RNF8: variants seen among roughly 807,000 people sequenced by gnomAD.
RNF8 encodes the protein ring finger protein 8, also known as E3 ubiquitin-protein ligase RNF8.
RNF8 carries 8 observed loss-of-function variants against 59.3 expected under a neutral mutation model. The observed-to-expected ratio is 0.13, with a 90% CI of 0.08 to 0.24. The LOEUF (loss-of-function observed/expected upper bound fraction) is 0.24, where lower values mean the gene tolerates loss of function less well. Among genes scored for constraint, RNF8 ranks in the 10% least tolerant of loss-of-function variants. The pLI is 1.00. For synonymous variants in RNF8, 162 were observed against 200.0 expected (o/e 0.81, Z 1.60); for missense variants, 406 against 572.6 (o/e 0.71, Z 2.97).
intron 1 of RNF8, among the ~76,000 whole-genome samples, chr6:37,359,726 A>G (rs890664678): frequency 4.6e-5 from 7 of 152,230 alleles, no homozygotes; most frequent in Admixed American, 6.5e-5. Context: ...TAGATCTGCT[A>G]TGAAAGCTAA....
intron 2 of RNF8, chr6:37,361,318 T>C (rs1562084976): frequency 2.2e-6 from 1 of 455,224 alleles, no homozygotes; most frequent in Non-Finnish European, 4.4e-6. Context: ...GGCATCAATA[T>C]GGTGTCCTCC....
intron 2 of RNF8, among the ~76,000 whole-genome samples, chr6:37,362,862 A>G (rs1193560616): frequency 2.0e-5 from 3 of 152,232 alleles, no homozygotes; most frequent in African/African-American, 4.8e-5. Flanking sequence ...TTTTGGTTTA[A>G]AATTGGCTTA....
chr6:37,383,982 T>C (rs1770387001), intron 7 of RNF8, among the ~76,000 whole-genome samples: 1 of 152,100 alleles, frequency 6.6e-6, no homozygotes, highest in Admixed American at 6.6e-5. Context: ...GTGTTAAAAC[T>C]CTTCTGTTTT....
At position 37,394,608 on chromosome 6, in the gene RNF8, C is replaced by T. The variant is rs2113840199; in HGVS notation, c.*3850C>T. 6.6e-6 allele frequency: 1 copy of T among 152,278 alleles called. No homozygotes were observed. The highest frequency in any genetic ancestry group is 2.4e-5 in the African/African-American group (1 of 41,556). The allele number at this position is 152,278 out of a possible 1,614,324, so 9.4% of individuals were successfully genotyped here. A position where few individuals can be genotyped will look rare whatever the true frequency, so the allele number is the denominator to read the frequency against. ...GCTTTACTACATTCCAGATGCCCAC[C>T]TCATCCAATTTCCAGAGCCACTATC... On this transcript the variant is annotated 3_prime_UTR_variant, in exon 8 of 8. Transcript: ENST00000373479.
chr6:37,364,913 G>T (rs554301307), intron 2 of RNF8, among the ~76,000 whole-genome samples: 60 of 152,266 alleles, frequency 3.9e-4, no homozygotes, highest in African/African-American at 1.4e-3. Flanking sequence ...GGGATTACAG[G>T]CATGCGGCAC....
intron 7 of RNF8, among the ~76,000 whole-genome samples, chr6:37,383,895 G>C (rs967521973): frequency 6.6e-6 from 1 of 152,086 alleles, no homozygotes; most frequent in South Asian, 2.1e-4. Flanking sequence ...GAGCTGGTGA[G>C]GTGAGAGAGC....
Position 37,354,144 on chromosome 6 carries a change from GC to G in RNF8, c.-16del. On this transcript the variant is annotated 5_prime_UTR_variant, in exon 1 of 8. Transcript: ENST00000373479. ...GTCAGGGTCTCGCTCGGTGCTGACC[GC>G]CCCCGGGGTCGAGTAGGCGATGGGG... 6.4e-7 allele frequency: 1 copy of G among 1,558,500 alleles called. No homozygotes were observed. Among genetic ancestry groups the G allele is most frequent in the African/African-American group, 1.4e-5 (1 of 73,596 alleles).
At chr6:37,367,857 A>C (rs956158630) in intron 2 of RNF8, among the ~76,000 whole-genome samples, 2 of 152,172 alleles carry the variant, frequency 1.3e-5, no homozygotes, top group African/African-American at 4.8e-5. Context: ...GGTTAAGTAA[A>C]TTGCCAAATG....
chr6:37,385,214 T>C (rs1169719261), intron 7 of RNF8, among the ~76,000 whole-genome samples: 2 of 151,568 alleles, frequency 1.3e-5, no homozygotes, highest in Non-Finnish European at 2.9e-5. Context: ...GGTTTCTCCA[T>C]GTTGGTCAGG....
intron 2 of RNF8, among the ~76,000 whole-genome samples, chr6:37,366,898 C>T (rs1328703830): frequency 6.6e-6 from 1 of 152,238 alleles, no homozygotes; most frequent in Non-Finnish European, 1.5e-5. Context: ...GACCTATCAT[C>T]TCCATTTAGC....
intron 2 of RNF8, among the ~76,000 whole-genome samples, chr6:37,367,246 G>A (rs1769595407): frequency 6.6e-6 from 1 of 152,112 alleles, no homozygotes; most frequent in Non-Finnish European, 1.5e-5. Flanking sequence ...TTTTATCAGT[G>A]CAGTAACTGG....
At chr6:37,361,062 G>C (rs1769302416) in intron 2 of RNF8, 1 of 353,626 alleles carries the variant, frequency 2.8e-6, no homozygotes, top group Admixed American at 3.9e-5. Flanking sequence ...GTGTTCCGAA[G>C]ATTTCCTTTG....
chr6:37,357,384 C>T (rs533023561), intron 1 of RNF8, among the ~76,000 whole-genome samples: 48 of 152,276 alleles, frequency 3.2e-4, no homozygotes, highest in African/African-American at 1.1e-3. Flanking sequence ...GGTTCAGAGT[C>T]TGTTGGAGGC....
intron 2 of RNF8, among the ~76,000 whole-genome samples, chr6:37,361,009 C>A (rs552811737): frequency 6.6e-6 from 1 of 152,262 alleles, no homozygotes; most frequent in Admixed American, 6.5e-5. Flanking sequence ...TCCTTTCAAT[C>A]TGAGCAACCT....
chr6:37,362,219 A>C (rs1038773866), intron 2 of RNF8, among the ~76,000 whole-genome samples: 3 of 152,190 alleles, frequency 2.0e-5, no homozygotes, highest in African/African-American at 7.2e-5. Flanking sequence ...AATTATGTGC[A>C]GTGTAGATGT....
At chr6:37,367,096 G>T (rs1769587799) in intron 2 of RNF8, among the ~76,000 whole-genome samples, 1 of 152,172 alleles carries the variant, frequency 6.6e-6, no homozygotes, top group Admixed American at 6.5e-5. Flanking sequence ...AATGATTGTT[G>T]ATGAATCAGT....
chr6:37,373,360 A>G (rs531619087), intron 4 of RNF8, among the ~76,000 whole-genome samples: 2 of 152,216 alleles, frequency 1.3e-5, no homozygotes, highest in African/African-American at 4.8e-5. Flanking sequence ...CATACCTGTT[A>G]TTTTCTTATG....
In RNF8 at chr6:37,377,041, T is replaced by C. The variant is rs765595793; in HGVS notation, c.1236+8T>C. On this transcript the variant is annotated splice_region_variant and intron_variant, in intron 6 of 7. Coordinates refer to ENST00000373479, the MANE Select transcript of RNF8 (RefSeq NM_003958.4). ...TCAGAATACTTCATTGAGGTAATTA[T>C]GAACAGTTGCTCACCCCTTCTTTTT... 3.8e-6 allele frequency: 5 copies of C among 1,314,524 alleles called. No homozygotes were observed. The highest frequency in any genetic ancestry group is 4.4e-6 in the Non-Finnish European group (4 of 914,124). The allele number at this position is 1,314,524 out of a possible 1,614,324, so 81.4% of individuals were successfully genotyped here.
chr6:37,355,563 GATT>G (rs1769082014), intron 1 of RNF8, among the ~76,000 whole-genome samples: 1 of 152,266 alleles, frequency 6.6e-6, no homozygotes, highest in Non-Finnish European at 1.5e-5. Flanking sequence ...CTAAGATTTG[GATT>G]ATTTAGTTCC....
Sources: allele counts gnomAD v4.1 joint callset (sites outside exome capture counted in the v4.1 genomes callset), GRCh38; gene constraint gnomAD v4.1.1; transcripts MANE v1.5; gene names NCBI Gene and HGNC (gene_info 2026-07-23, HGNC 2026-07-21).